NELL1: variants seen among roughly 807,000 people sequenced by gnomAD.
NELL1 encodes neural EGFL like 1.
NELL1 carries 76 observed loss-of-function variants against 107.4 expected under a neutral mutation model. The ratio of observed to expected loss-of-function variants is 0.71; its 90% CI spans 0.59 to 0.86. The LOEUF is 0.86. Among genes scored for constraint, NELL1 ranks in the 40% least tolerant of loss-of-function variants. The pLI, the probability that NELL1 is intolerant of heterozygous loss-of-function variation, is 0.00. For missense variants in NELL1, 1,024 were observed against 1,005.5 expected (o/e 1.02, Z -0.25); for synonymous variants, 353 against 341.2 (o/e 1.03, Z -0.38).
At chr11:20,891,221 G>T (rs1849610679) in intron 5 of NELL1, among the ~76,000 whole-genome samples, 1 of 152,160 alleles carries the variant, frequency 6.6e-6, no homozygotes, top group Non-Finnish European at 1.5e-5. Flanking sequence ...CATTCTTAAA[G>T]AAAAGAATTT....
intron 15 of NELL1, among the ~76,000 whole-genome samples, chr11:21,412,738 A>G (rs898948269): frequency 4.6e-5 from 7 of 152,220 alleles, no homozygotes; most frequent in African/African-American, 1.7e-4. Context: ...AGAATAACCT[A>G]CTATAAACTC....
chr11:21,250,338 T>C (rs1248699373), intron 14 of NELL1, among the ~76,000 whole-genome samples: 1 of 152,162 alleles, frequency 6.6e-6, no homozygotes, highest in Non-Finnish European at 1.5e-5. Flanking sequence ...TTTAGGTACT[T>C]TTCTCCTCTC....
At chr11:20,866,332 C>G (rs1055883128) in intron 4 of NELL1, among the ~76,000 whole-genome samples, 1 of 152,178 alleles carries the variant, frequency 6.6e-6, no homozygotes, top group Non-Finnish European at 1.5e-5. Context: ...ACCGCCTGTT[C>G]TATTCACCTT....
intron 15 of NELL1, among the ~76,000 whole-genome samples, chr11:21,529,194 G>A (rs763620407): frequency 4.6e-5 from 7 of 152,116 alleles, no homozygotes; most frequent in South Asian, 2.1e-4. Context: ...TTTTCAATAC[G>A]TGATTTCCAA....
At chr11:21,309,754 G>A (rs1377550002) in intron 14 of NELL1, among the ~76,000 whole-genome samples, 3 of 151,998 alleles carry the variant, frequency 2.0e-5, no homozygotes, top group African/African-American at 7.2e-5. Context: ...CAAAGAGAGA[G>A]CTTGTACAGG....
At chr11:21,042,211 T>C (rs1853252868) in intron 12 of NELL1, among the ~76,000 whole-genome samples, 1 of 152,226 alleles carries the variant, frequency 6.6e-6, no homozygotes, top group Admixed American at 6.5e-5. Context: ...AGTATTCAGT[T>C]ATAAAGAATT....
intron 16 of NELL1, among the ~76,000 whole-genome samples, chr11:21,553,698 T>A (rs544668231): frequency 1.7e-4 from 26 of 151,924 alleles, no homozygotes; most frequent in Admixed American, 1.6e-3. Context: ...CATTTCTTAT[T>A]AGGTGAAAGA....
intron 4 of NELL1, among the ~76,000 whole-genome samples, chr11:20,855,292 G>A (rs996006579): frequency 2.6e-5 from 4 of 151,846 alleles, no homozygotes; most frequent in African/African-American, 9.7e-5. Context: ...AGAGTGATCT[G>A]CATTTTTCTC....
intron 13 of NELL1, among the ~76,000 whole-genome samples, chr11:21,170,855 T>C (rs1250607083): frequency 1.3e-5 from 2 of 151,714 alleles, no homozygotes; most frequent in Admixed American, 6.6e-5. Flanking sequence ...TCTTGATTTA[T>C]GTTCTATTAA....
At chr11:21,332,169 A>G (rs1850286521) in intron 14 of NELL1, among the ~76,000 whole-genome samples, 1 of 152,014 alleles carries the variant, frequency 6.6e-6, no homozygotes, top group Non-Finnish European at 1.5e-5. Context: ...TTCTTGTCAT[A>G]ATGCCCCATT....
intron 3 of NELL1, among the ~76,000 whole-genome samples, chr11:20,813,949 A>T (rs7105531): frequency 0.033 from 5,067 of 151,658 alleles, 121 homozygotes; most frequent in African/African-American, 0.056. Flanking sequence ...AACTTTTATT[A>T]ATTTAATTTA....
At chr11:20,821,535 G>C (rs999620605) in intron 3 of NELL1, among the ~76,000 whole-genome samples, 3 of 152,150 alleles carry the variant, frequency 2.0e-5, no homozygotes, top group Non-Finnish European at 4.4e-5. Flanking sequence ...ATCTTGAATT[G>C]ATTGTAGGGT....
chr11:21,567,857 A>G (rs1008676233), intron 17 of NELL1, among the ~76,000 whole-genome samples: 2 of 151,848 alleles, frequency 1.3e-5, no homozygotes, highest in Non-Finnish European at 2.9e-5. Context: ...AGATCTAACA[A>G]TATGAAATGC....
intron 12 of NELL1, among the ~76,000 whole-genome samples, chr11:21,027,390 TG>T (rs200037662): frequency 0.011 from 1,726 of 152,202 alleles, 46 homozygotes; most frequent in African/African-American, 0.039. Flanking sequence ...TGATCCTGGA[TG>T]TTTTTTTATT....
chr11:21,090,891 G>A (rs559826277), intron 12 of NELL1, among the ~76,000 whole-genome samples: 2 of 152,282 alleles, frequency 1.3e-5, no homozygotes, highest in African/African-American at 4.8e-5. Context: ...AGAGCCTGGA[G>A]TGTCAAAACA....
rs544031937 is a variant in NELL1, at chr11:21,176,196, T to C, written c.1427-53136T>C. Among the ~76,000 whole-genome samples, 398 of 151,986 alleles carry C rather than the reference T, an allele frequency of 2.6e-3. 10 individuals carry two copies. The highest frequency in any genetic ancestry group is 9.3e-3 in the African/African-American group (384 of 41,262). On this transcript the variant is annotated intron_variant, in intron 13 of 19. Coordinates refer to ENST00000357134, the MANE Select transcript of NELL1 (RefSeq NM_006157.5). ...GTAGAAAGTGCTTCCTAAGTGGAGA[T>C]GTCATGAATGTTTCTGTCGCCATCA...
intron 13 of NELL1, among the ~76,000 whole-genome samples, chr11:21,158,775 T>A (rs1446980675): frequency 2.0e-5 from 3 of 152,208 alleles, no homozygotes; most frequent in South Asian, 4.1e-4. Context: ...TTCAGCTGCC[T>A]TTATTAAATT....
chr11:21,125,780 G>T (rs2133749397), intron 13 of NELL1, among the ~76,000 whole-genome samples: 1 of 152,296 alleles, frequency 6.6e-6, no homozygotes, highest in Admixed American at 6.5e-5. Flanking sequence ...TTGAGAAATA[G>T]ATCCATCTCC....
At chr11:21,224,366 A>G (rs79527846) in intron 13 of NELL1, among the ~76,000 whole-genome samples, 10,484 of 150,150 alleles carry the variant, frequency 0.07, 443 homozygotes, top group Non-Finnish European at 0.1. Flanking sequence ...TGAAGTTATG[A>G]CCACAGTTGT....
Sources: gnomAD v4.1 joint callset for allele counts (sites outside exome capture counted in the v4.1 genomes callset) on GRCh38, gnomAD v4.1.1 for gene constraint, MANE v1.5 for transcripts, NCBI Gene and HGNC (gene_info 2026-07-23, HGNC 2026-07-21) for gene names.